The following RIMBP2 variants were observed in gnomAD, a reference collection of about 807,000 sequenced individuals.
RIMBP2 encodes RIMS binding protein 2.
RIMBP2 carries 48 observed loss-of-function variants against 118.6 expected under a neutral mutation model. That is an observed-to-expected ratio of 0.40 (90% CI 0.32 to 0.51). RIMBP2 has a LOEUF of 0.51. Among genes scored for constraint, RIMBP2 ranks in the 20% least tolerant of loss-of-function variants. The probability of loss-of-function intolerance (pLI) is 0.41; values close to 1 mark genes in which losing one functional copy is unlikely to be tolerated. For synonymous variants in RIMBP2, 762 were observed against 742.9 expected (o/e 1.03, Z -0.42); for missense variants, 1,551 against 1,768.3 (o/e 0.88, Z 2.20).
At chr12:130,498,777 C>T (rs1047055609) in intron 4 of RIMBP2, among the ~76,000 whole-genome samples, 2 of 152,194 alleles carry the variant, frequency 1.3e-5, no homozygotes, top group African/African-American at 4.8e-5. Context: ...CCAGCCAAGG[C>T]TGCAGATGAT....
intron 2 of RIMBP2, among the ~76,000 whole-genome samples, chr12:130,625,238 C>T (rs2061551911): frequency 6.6e-6 from 1 of 152,142 alleles, no homozygotes; most frequent in Non-Finnish European, 1.5e-5. Flanking sequence ...TACTCACAAC[C>T]CCTGTGAAAG....
In RIMBP2 at chr12:130,545,579, C is replaced by T. The variant is rs1004033488; in HGVS notation, c.-216-27662G>A. Among the ~76,000 whole-genome samples the T allele has an allele frequency of 5.3e-5, 8 of 152,288 alleles. No individual in the cohort carries two copies. In the East Asian group the frequency reaches 1.2e-3, roughly 22 times the overall value. On this transcript the variant is annotated intron_variant, in intron 2 of 22. Coordinates refer to ENST00000690449, the MANE Select transcript of RIMBP2 (RefSeq NM_001393629.1). The stretch of plus-strand genomic sequence containing the variant: ...CTGCTCAAAAATGTAAAATTGCATT[C>T]GTGCCTCACACTCAAGGCTGACATT...
intron 3 of RIMBP2, among the ~76,000 whole-genome samples, chr12:130,508,677 C>T (rs1433872488): frequency 6.6e-6 from 1 of 152,168 alleles, no homozygotes; most frequent in Non-Finnish European, 1.5e-5. Flanking sequence ...TCCTCTGCGG[C>T]TGTTTGCCTT....
intron 2 of RIMBP2, among the ~76,000 whole-genome samples, chr12:130,610,252 G>A (rs1200837501): frequency 2.0e-5 from 3 of 150,838 alleles, no homozygotes; most frequent in South Asian, 2.1e-4. Flanking sequence ...TGCTCCTCCC[G>A]GTCCCTCCCG....
intron 22 of RIMBP2, chr12:130,399,057 GC>G (rs200426157): frequency 0.04 from 35,973 of 909,660 alleles, 1,037 homozygotes; most frequent in South Asian, 0.1. Context: ...TACCACACTG[GC>G]CCGGTTAAGG....
intron 11 of RIMBP2, 117 bp downstream of exon 11, chr12:130,441,731 G>A: frequency 1.1e-6 from 1 of 878,816 alleles, no homozygotes; most frequent in Non-Finnish European, 1.7e-6. Context: ...ATTTTCCAGG[G>A]TCATGTTGTC....
At chr12:130,418,261 C>A (rs1213061672) in intron 17 of RIMBP2, among the ~76,000 whole-genome samples, 1 of 152,180 alleles carries the variant, frequency 6.6e-6, no homozygotes, top group African/African-American at 2.4e-5. Context: ...AGGGAACAAA[C>A]CTTTTCCACA....
rs529181317 is a variant in RIMBP2, at chr12:130,580,652, C to T, written c.-217+47670G>A. ...ATTAATTTTGATATTTTAAATACTG[C>T]ATTAAGACCAGGTGCAGTGGCTCAT... On this transcript the variant is annotated intron_variant, in intron 2 of 22. Coordinates refer to ENST00000690449, the MANE Select transcript of RIMBP2 (RefSeq NM_001393629.1). Among the ~76,000 whole-genome samples, 3 of 152,296 alleles carry T rather than the reference C, an allele frequency of 2.0e-5. No homozygotes were observed. The South Asian group carries it at 6.2e-4, about 32-fold the overall frequency.
At chr12:130,436,793 G>T in intron 13 of RIMBP2, 49 bp downstream of exon 13, 1 of 1,329,222 alleles carries the variant, frequency 7.5e-7, no homozygotes, top group Non-Finnish European at 9.7e-7. Flanking sequence ...GCCCCGTCCC[G>T]TGGGGTTTGG....
rs1447430387 is a variant in RIMBP2, at chr12:130,506,870, T to C, written c.-126-100A>G. ...AGGAGCAAAATCTTCAATTTCCTCCTAGAGAATCCTTCCCTCCCTCCTTCT... is the reference window on the plus strand; with the variant it reads ...AGGAGCAAAATCTTCAATTTCCTCCCAGAGAATCCTTCCCTCCCTCCTTCT... On this transcript the variant is annotated intron_variant, in intron 3 of 22. Coordinates refer to ENST00000690449, the MANE Select transcript of RIMBP2 (RefSeq NM_001393629.1). The C allele has an allele frequency of 3.4e-6, 3 of 869,848 alleles. No individual in the cohort carries two copies. The Admixed American group carries it at 1.9e-4, about 54-fold the overall frequency. The allele number at this position is 869,848 out of a possible 1,614,324, so 53.9% of individuals were successfully genotyped here. A position where few individuals can be genotyped will look rare whatever the true frequency, so the allele number is the denominator to read the frequency against.
At chr12:130,544,321 A>G (rs908552157) in intron 2 of RIMBP2, among the ~76,000 whole-genome samples, 2 of 152,186 alleles carry the variant, frequency 1.3e-5, no homozygotes, top group Non-Finnish European at 2.9e-5. Context: ...GCCATGCTGC[A>G]TGGGAAGCAC....
At chr12:130,464,679 G>A (rs59264268) in intron 6 of RIMBP2, among the ~76,000 whole-genome samples, 3,175 of 152,346 alleles carry the variant, frequency 0.021, 92 homozygotes, top group East Asian at 0.16. Context: ...CAGAAGACGA[G>A]GCCAAGAGGG....
At chr12:130,432,402 G>A (rs530856955) in intron 14 of RIMBP2, 5 of 432,098 alleles carry the variant, frequency 1.2e-5, no homozygotes, top group South Asian at 8.3e-5. Flanking sequence ...GTAATACACA[G>A]AAAGCCTCAT....
chr12:130,610,912 C>G (rs1280627585), intron 2 of RIMBP2, among the ~76,000 whole-genome samples: 1 of 152,208 alleles, frequency 6.6e-6, no homozygotes, highest in African/African-American at 2.4e-5. Flanking sequence ...CCTGCAATGT[C>G]TCAGAAACTC....
In RIMBP2 at chr12:130,511,158, A is replaced by G. The variant is rs1344323996; in HGVS notation, c.-126-4388T>C. Among the ~76,000 whole-genome samples, 1 of 150,560 alleles carries G rather than the reference A, an allele frequency of 6.6e-6. No individual in the cohort carries two copies. On this transcript the variant is annotated intron_variant, in intron 3 of 22. Transcript: ENST00000690449. The surrounding 1 kb of genome is among the most constrained non-coding windows in gnomAD (Gnocchi z 4.3). ...CCCTTATCAGGAAAAGCAGAGTCAG[A>G]GACAAAAAAGAGAGAGCTTAGGTGA...
At chr12:130,401,585 G>C (rs2074577582) in intron 21 of RIMBP2, among the ~76,000 whole-genome samples, 1 of 151,650 alleles carries the variant, frequency 6.6e-6, no homozygotes, top group African/African-American at 2.4e-5. Context: ...ATTTACCTGT[G>C]ACTGCCCTGG....
chr12:130,419,064 CAG>C lies in RIMBP2; in HGVS notation c.3238+3387_3238+3388del, dbSNP rs1185394195. Among the ~76,000 whole-genome samples, 20 of 152,172 alleles carry C rather than the reference CAG, an allele frequency of 1.3e-4. No individual in the cohort carries two copies. Among genetic ancestry groups the C allele is most frequent in the Middle Eastern group, 3.2e-3 (1 of 316 alleles). ...GCGGTGACTCCACCGTATGTTCTTCCAGAGAGGATGCACTGGATGTGTTATGA... is the reference window on the plus strand; with the variant it reads ...GCGGTGACTCCACCGTATGTTCTTCCAGAGGATGCACTGGATGTGTTATGA... On this transcript the variant is annotated intron_variant, in intron 17 of 22. Transcript: ENST00000690449. The surrounding 1 kb of genome is among the most constrained non-coding windows in gnomAD (Gnocchi z 4.3).
At chr12:130,692,963 C>G (rs1593018455) in intron 1 of RIMBP2, among the ~76,000 whole-genome samples, 1 of 151,604 alleles carries the variant, frequency 6.6e-6, no homozygotes, top group African/African-American at 2.4e-5. Flanking sequence ...TGGAAACAAA[C>G]AGGTGAGAGT....
At chr12:130,649,515 C>G (rs1211654029) in intron 1 of RIMBP2, among the ~76,000 whole-genome samples, 1 of 152,206 alleles carries the variant, frequency 6.6e-6, no homozygotes, top group East Asian at 1.9e-4. Flanking sequence ...GGGAAATGTG[C>G]CCCTCCGCTG....
Sources: allele counts gnomAD v4.1 joint callset (sites outside exome capture counted in the v4.1 genomes callset), GRCh38; gene constraint gnomAD v4.1.1; non-coding constraint Gnocchi (gnomAD v3.1); transcripts MANE v1.5; gene names NCBI Gene and HGNC (gene_info 2026-07-23, HGNC 2026-07-21).